UNC13C: variants seen among roughly 807,000 people sequenced by gnomAD.
UNC13C encodes the protein protein unc-13 homolog C.
In UNC13C, 174 loss-of-function variants were observed where a neutral mutation model predicts 245.4. The ratio of observed to expected loss-of-function variants is 0.71; its 90% CI spans 0.63 to 0.80. UNC13C has a LOEUF of 0.80. Ranked by LOEUF, UNC13C falls within the 30% of genes least tolerant of loss-of-function variation. The pLI, the probability that UNC13C is intolerant of heterozygous loss-of-function variation, is 0.00. For missense variants in UNC13C, 2,829 were observed against 2,602.9 expected, an observed-to-expected ratio of 1.09 and a Z score of -1.89; for synonymous variants, 992 against 895.1, an observed-to-expected ratio of 1.11 and a Z score of -1.93.
chr15:53,846,185 C>T, the UNC13C span, among the ~76,000 whole-genome samples: 1,204 of 152,194 alleles, frequency 7.9e-3, 7 homozygotes, highest in Non-Finnish European at 0.011. Flanking sequence ...TTTCAATTTA[C>T]GATGGATTTA....
intron 4 of UNC13C, among the ~76,000 whole-genome samples, chr15:54,184,276 A>T (rs2033896854): frequency 6.6e-6 from 1 of 151,794 alleles, no homozygotes; most frequent in African/African-American, 2.4e-5. Context: ...TTATTTTATT[A>T]TTATTATACT....
At chr15:53,929,607 G>A in the UNC13C span, among the ~76,000 whole-genome samples, 1 of 152,104 alleles carries the variant, frequency 6.6e-6, no homozygotes, top group African/African-American at 2.4e-5. Context: ...TTTAATTTGG[G>A]CCTTGCTCTT....
intron 2 of UNC13C, among the ~76,000 whole-genome samples, chr15:54,069,745 G>A (rs560695202): frequency 1.7e-4 from 26 of 152,296 alleles, no homozygotes; most frequent in East Asian, 5.8e-4. Context: ...GTTAGATAAC[G>A]CCTTGAACTA....
rs1027404513 is a variant in UNC13C at position 54,104,522 on chromosome 15, A to T, written c.2984-38496A>T. 8.7e-4 allele frequency among the ~76,000 whole-genome samples: 133 copies of T among 152,042 alleles called. 3 individuals are homozygous for T. Among genetic ancestry groups the T allele is most frequent in the Non-Finnish European group, 3.8e-4 (26 of 67,978 alleles). On this transcript the variant is annotated intron_variant, in intron 2 of 32. Coordinates refer to ENST00000260323, the MANE Select transcript of UNC13C (RefSeq NM_001080534.3). ...TTTTCCTTCCCTTTTTTTGTATTCT[A>T]ACTTCAAGTGATTTTCTGAACTCCT...
the UNC13C span, among the ~76,000 whole-genome samples, chr15:53,942,417 A>G: frequency 6.6e-6 from 1 of 152,082 alleles, no homozygotes; most frequent in Non-Finnish European, 1.5e-5. Context: ...ATGAGGGGAG[A>G]GAGAGCATCA....
intron 2 of UNC13C, among the ~76,000 whole-genome samples, chr15:54,026,939 T>C (rs1179569917): frequency 6.6e-6 from 1 of 152,178 alleles, no homozygotes; most frequent in African/African-American, 2.4e-5. Context: ...TACACAAATA[T>C]ATTGTTTCCA....
chr15:54,076,111 A>T (rs35327040), intron 2 of UNC13C, among the ~76,000 whole-genome samples: 65,782 of 129,972 alleles, frequency 0.51, 17,207 homozygotes, highest in Non-Finnish European at 0.61. Context: ...ATATATATAT[A>T]TTTTTTTTTA....
rs1002608542 is a variant in UNC13C at position 54,383,149 on chromosome 15, C to T, written c.4714-9899C>T. 7.9e-5 allele frequency among the ~76,000 whole-genome samples: 12 copies of T among 152,266 alleles called. No individual in the cohort carries two copies. The East Asian group carries it at 2.3e-3, about 29-fold the overall frequency. On this transcript the variant is annotated intron_variant, in intron 17 of 32. Transcript: ENST00000260323. ...AGAATGAATACCACTTTTTCTTAAA[C>T]TATTCCAAAAATTGAATAGAGAATT...
At chr15:54,382,144 C>T (rs935636319) in intron 17 of UNC13C, among the ~76,000 whole-genome samples, 1 of 152,032 alleles carries the variant, frequency 6.6e-6, no homozygotes, top group Non-Finnish European at 1.5e-5. Context: ...TCCTGAATGA[C>T]CATTGGATCA....
the UNC13C span, among the ~76,000 whole-genome samples, chr15:53,852,766 A>C: frequency 6.6e-6 from 1 of 152,022 alleles, no homozygotes; most frequent in Non-Finnish European, 1.5e-5. Context: ...AATAGTGTTT[A>C]TTTTCTATCT....
chr15:54,145,084 G>C (rs1356756818), intron 4 of UNC13C, among the ~76,000 whole-genome samples: 1 of 151,726 alleles, frequency 6.6e-6, no homozygotes, highest in Non-Finnish European at 1.5e-5. Context: ...GAGCCACCGT[G>C]CCTGGCAAAT....
the UNC13C span, among the ~76,000 whole-genome samples, chr15:53,873,413 C>T: frequency 2.6e-5 from 4 of 152,142 alleles, no homozygotes; most frequent in African/African-American, 9.7e-5. Flanking sequence ...CTCAACTTGC[C>T]TCCTCTTCCA....
chr15:54,551,731 G>C (rs979149342), intron 28 of UNC13C, among the ~76,000 whole-genome samples: 2 of 151,774 alleles, frequency 1.3e-5, no homozygotes, highest in Admixed American at 1.3e-4. Flanking sequence ...AAATAACTTC[G>C]TTCTGTATCA....
chr15:54,033,004 G>C (rs1896425073), intron 2 of UNC13C, among the ~76,000 whole-genome samples: 1 of 152,228 alleles, frequency 6.6e-6, no homozygotes, highest in African/African-American at 2.4e-5. Context: ...GGAAGGTGGT[G>C]AGAGATAAAA....
the UNC13C span, among the ~76,000 whole-genome samples, chr15:53,956,913 C>T: frequency 5.5e-5 from 2 of 36,276 alleles, no homozygotes; most frequent in East Asian, 9.0e-4. Flanking sequence ...TGTGCATGCA[C>T]ACATCCATGT....
chr15:54,589,482 A>G (rs1898665982), intron 30 of UNC13C, among the ~76,000 whole-genome samples: 1 of 151,252 alleles, frequency 6.6e-6, no homozygotes, highest in African/African-American at 2.4e-5. Context: ...TATTTTTAGT[A>G]GAGACAGGAT....
At chr15:54,235,679 T>C (rs2035675615) in intron 5 of UNC13C, among the ~76,000 whole-genome samples, 1 of 151,996 alleles carries the variant, frequency 6.6e-6, no homozygotes, top group Admixed American at 6.6e-5. Flanking sequence ...GGTGAAACGC[T>C]GTCTCTACTA....
At chr15:54,313,751 G>A (rs1175839033) in intron 13 of UNC13C, among the ~76,000 whole-genome samples, 4 of 151,440 alleles carry the variant, frequency 2.6e-5, no homozygotes, top group South Asian at 2.1e-4. Flanking sequence ...GAACAGATAC[G>A]TATACAAGTA....
intron 18 of UNC13C, among the ~76,000 whole-genome samples, chr15:54,411,142 T>C (rs548468747): frequency 1.3e-5 from 2 of 152,332 alleles, no homozygotes; most frequent in South Asian, 4.1e-4. Flanking sequence ...CTAATTTTTT[T>C]CTCTGCTGAA....
Sources: allele counts gnomAD v4.1 joint callset (sites outside exome capture counted in the v4.1 genomes callset), GRCh38; gene constraint gnomAD v4.1.1; transcripts MANE v1.5; gene names NCBI Gene and HGNC (gene_info 2026-07-23, HGNC 2026-07-21).